Variants in NLRC5 observed in about 807,000 individuals in gnomAD.
The protein encoded by NLRC5 is NLR family CARD domain containing 5.
NLRC5 carries 114 observed loss-of-function variants against 206.9 expected under a neutral mutation model. That is an observed-to-expected ratio of 0.55 (90% CI 0.47 to 0.64). The LOEUF is 0.64. NLRC5 is among the 30% of genes least tolerant of loss of function. The pLI, the probability that NLRC5 is intolerant of heterozygous loss-of-function variation, is 0.00. For synonymous variants in NLRC5, 952 were observed against 962.8 expected, an observed-to-expected ratio of 0.99 and a Z score of 0.21; for missense variants, 2,008 against 2,305.5, an observed-to-expected ratio of 0.87 and a Z score of 2.64.
chr16:57,029,959 G>T (rs1366513376), intron 9 of NLRC5, 36 bp from the exon 10 acceptor site: 3 of 1,612,600 alleles, frequency 1.9e-6, no homozygotes, highest in Non-Finnish European at 2.5e-6. Flanking sequence ...TGGGGTAGGG[G>T]ATTCCACTCC....
At chr16:57,016,254 T>C (rs868407166) in intron 1 of NLRC5, among the ~76,000 whole-genome samples, 5 of 152,152 alleles carry the variant, frequency 3.3e-5, no homozygotes, top group South Asian at 2.1e-4. Flanking sequence ...TATAGACATA[T>C]GTTATTAGTC....
At chr16:57,075,618 C>T (rs573965214) in intron 39 of NLRC5, among the ~76,000 whole-genome samples, 8 of 152,248 alleles carry the variant, frequency 5.3e-5, no homozygotes, top group African/African-American at 1.9e-4. Flanking sequence ...GATGGGGTGG[C>T]CTTCCTACAC....
At chr16:57,011,051 C>A in intron 1 of NLRC5, among the ~76,000 whole-genome samples, 1 of 152,178 alleles carries the variant, frequency 6.6e-6, no homozygotes, top group South Asian at 2.1e-4. Flanking sequence ...TGTAGCTTCC[C>A]AGAGTTGGTC....
In NLRC5 at chr16:57,043,720, T is replaced by C; in HGVS notation, c.3203+116T>C. 11 of 804,232 alleles carry C rather than the reference T, an allele frequency of 1.4e-5. No individual in the cohort carries two copies. The South Asian group carries it at 1.5e-4, about 11-fold the overall frequency. The allele number at this position is 804,232 out of a possible 1,614,324, so 49.8% of individuals were successfully genotyped here. ...TGCCAACCTGTCATCCTCAGCACCT[T>C]GGGCAGTACCAGATCTGCAGAGCAT... On this transcript the variant is annotated intron_variant, in intron 20 of 48. Coordinates refer to ENST00000688547, the MANE Select transcript of NLRC5 (RefSeq NM_001384950.1).
chr16:57,061,029 C>T (rs761899297), intron 30 of NLRC5, among the ~76,000 whole-genome samples: 4 of 152,236 alleles, frequency 2.6e-5, no homozygotes, highest in Non-Finnish European at 5.9e-5. Context: ...AGCTTGGGGT[C>T]TGCAGTCAGA....
intron 1 of NLRC5, among the ~76,000 whole-genome samples, chr16:57,007,293 T>G (rs565970508): frequency 2.6e-5 from 4 of 152,368 alleles, no homozygotes; most frequent in Non-Finnish European, 5.9e-5. Flanking sequence ...AGCATCTAAG[T>G]GCCCGTTAAT....
At chr16:57,067,057 T>A (rs78696104) in intron 34 of NLRC5, among the ~76,000 whole-genome samples, 2,919 of 152,282 alleles carry the variant, frequency 0.019, 37 homozygotes, top group Middle Eastern at 0.071. Context: ...TAAATCCATA[T>A]GGCACAGTTT....
At chr16:57,043,438 C>G (rs747446503) in intron 19 of NLRC5, 77 bp from the exon 20 acceptor site, 4 of 1,113,876 alleles carry the variant, frequency 3.6e-6, no homozygotes, top group South Asian at 1.2e-5. Context: ...ATCCCTCCCC[C>G]GCCCTGTGCC....
chr16:57,058,143 G>C lies in NLRC5; in HGVS notation c.3825G>C (p.Leu1275Phe). ...ECLPQVPISG[L>F]LDLSHNSISQ... The stretch of plus-strand genomic sequence containing the variant: ...TGCCGCAGGTGCCCATCTCCGGTTT[G>C]CTTGAGTAAGTGGAAAGCAGCATAA... The change falls in exon 28 of 49, where the codon TTG (leucine) becomes TTC (phenylalanine). Residue 1275 changes from leucine (L) to phenylalanine (F), a missense_variant. Coordinates refer to ENST00000688547, the MANE Select transcript of NLRC5 (RefSeq NM_001384950.1). The C allele has an allele frequency of 6.2e-7, 1 of 1,606,766 alleles. No individual in the cohort carries two copies. Among genetic ancestry groups the C allele is most frequent in the Non-Finnish European group, 8.5e-7 (1 of 1,175,688 alleles).
At chr16:57,003,592 C>A (rs1253104874) in intron 1 of NLRC5, among the ~76,000 whole-genome samples, 4 of 152,118 alleles carry the variant, frequency 2.6e-5, no homozygotes, top group African/African-American at 9.7e-5. Context: ...GTCATGCCTC[C>A]CTCCCCCGCC....
intron 39 of NLRC5, chr16:57,076,058 T>C: frequency 5.1e-6 from 1 of 197,878 alleles, no homozygotes; most frequent in South Asian, 5.3e-5. Context: ...GGATTACAGG[T>C]ATGCACCACC....
Position 57,025,812 on chromosome 16 carries a change from C to T in NLRC5, c.869C>T (p.Thr290Ile), listed in dbSNP as rs1440339880. 1.2e-6 allele frequency: 2 copies of T among 1,614,272 alleles called. No individual in the cohort carries two copies. Among genetic ancestry groups the T allele is most frequent in the Non-Finnish European group, 8.5e-7 (1 of 1,180,050 alleles). The part of the protein sequence containing the change: ...LYLSPESDHD[T>I]VFQYLEKNAD... ...CTGAGCCCTGAATCGGACCACGACACTGTCTTCCAGTACCTGGAGAAGAAC... is the reference window on the plus strand; with the variant it reads ...CTGAGCCCTGAATCGGACCACGACATTGTCTTCCAGTACCTGGAGAAGAAC... The change falls in exon 6 of 49, where the codon ACT becomes ATT. Residue 290 changes from threonine (T) to isoleucine (I), a missense_variant. Physicochemically the swap from Thr to Ile is moderately conservative, Grantham distance 89 (BLOSUM62 -1). Coordinates refer to ENST00000688547, the MANE Select transcript of NLRC5 (RefSeq NM_001384950.1).
chr16:57,002,647 T>TG (rs1490232284), intron 1 of NLRC5, among the ~76,000 whole-genome samples: 9 of 15,794 alleles, frequency 5.7e-4, no homozygotes, highest in African/African-American at 1.1e-3. Flanking sequence ...TTTTTTTTGT[T>TG]TTTTTTTTTT....
intron 1 of NLRC5, among the ~76,000 whole-genome samples, chr16:57,009,022 G>C (rs973805326): frequency 1.3e-5 from 2 of 152,208 alleles, no homozygotes; most frequent in Non-Finnish European, 1.5e-5. Flanking sequence ...GCCGTGCACG[G>C]TGGCTCACGC....
intron 30 of NLRC5, among the ~76,000 whole-genome samples, chr16:57,060,024 G>GTTATTATTATTA (rs3995823): frequency 8.1e-4 from 118 of 144,882 alleles, no homozygotes; most frequent in Middle Eastern, 3.6e-3. Flanking sequence ...TATTGTAACT[G>GTTATTATTATTA]TTATTATTAT....
chr16:57,078,849 C>T (rs1433800829), intron 43 of NLRC5, among the ~76,000 whole-genome samples: 2 of 152,158 alleles, frequency 1.3e-5, no homozygotes, highest in East Asian at 1.9e-4. Context: ...TTTCCTTACT[C>T]ATACACGAAG....
chr16:56,990,856 A>G (rs2056735629), intron 1 of NLRC5: 1 of 152,140 alleles, frequency 6.6e-6, no homozygotes, highest in Non-Finnish European at 1.5e-5. Flanking sequence ...ACTCCCATCC[A>G]GCGTGCTTTC....
chr16:57,054,606 C>T lies in NLRC5; in HGVS notation c.3507-145C>T, dbSNP rs2065358110. ...AATCCAAATCTGCCTGTCCCTCAGC[C>T]CTATTTGTGCCTCTTGATCCCCTGC... On this transcript the variant is annotated intron_variant, in intron 24 of 48. Coordinates refer to ENST00000688547, the MANE Select transcript of NLRC5 (RefSeq NM_001384950.1). The T allele has an allele frequency of 9.7e-6, 7 of 719,882 alleles. No individual in the cohort carries two copies. In the South Asian group the frequency reaches 1.1e-4, roughly 11 times the overall value. 44.6% of individuals were successfully genotyped at this position (719,882 alleles called of 1,614,324 possible).
rs2065930932 is a variant in NLRC5, at chr16:57,058,096, C to G, written c.3778C>G (p.Leu1260Val). The G allele has an allele frequency of 1.2e-6, 2 of 1,612,594 alleles. No homozygotes were observed. Among genetic ancestry groups the G allele is most frequent in the African/African-American group, 1.3e-5 (1 of 74,896 alleles). ...AGCAAACCTGCTGGGCGACAGCGGA[C>G]TCAGATGCCTTCTGGAATGTCTGCC... ...LSANLLGDSG[L>V]RCLLECLPQV... is the part of the protein sequence containing the mutation. Residue 1260 changes from leucine (L) to valine (V), a missense_variant, in exon 28 of 49, where the codon CTC becomes GTC. Physicochemically the swap from Leu to Val is conservative, Grantham distance 32. Coordinates refer to ENST00000688547, the MANE Select transcript of NLRC5 (RefSeq NM_001384950.1).
Sources: allele counts gnomAD v4.1 joint callset (sites outside exome capture counted in the v4.1 genomes callset), GRCh38; gene constraint gnomAD v4.1.1; transcripts MANE v1.5; gene names NCBI Gene and HGNC (gene_info 2026-07-23, HGNC 2026-07-21).